RNF157: variants seen among roughly 807,000 people sequenced by gnomAD.
The protein encoded by RNF157 is ring finger protein 157.
RNF157 carries 55 observed loss-of-function variants against 88.3 expected under a neutral mutation model. The ratio of observed to expected loss-of-function variants is 0.62; its 90% CI spans 0.50 to 0.78. RNF157 has a LOEUF of 0.78. Ranked by LOEUF, RNF157 falls within the 30% of genes least tolerant of loss-of-function variation. The pLI, the probability that RNF157 is intolerant of heterozygous loss-of-function variation, is 0.00. For synonymous variants in RNF157, 334 were observed against 341.2 expected (o/e 0.98, Z 0.23); for missense variants, 788 against 860.8 (o/e 0.92, Z 1.06).
intron 18 of RNF157, among the ~76,000 whole-genome samples, chr17:76,151,046 G>T (rs1376772849): frequency 6.6e-6 from 1 of 152,232 alleles, no homozygotes; most frequent in Non-Finnish European, 1.5e-5. Context: ...CGGGAAGGCA[G>T]GGAGTGAAGC....
In RNF157 at chr17:76,161,666, G is replaced by T; in HGVS notation, c.953-19C>A. The stretch of plus-strand genomic sequence containing the variant: ...CGGAAGGCTGTGAAGGAGAAAACAG[G>T]CAATCAGGACATCCTGATACAGGAT... On this transcript the variant is annotated intron_variant, in intron 10 of 18. Coordinates refer to ENST00000269391, the MANE Select transcript of RNF157 (RefSeq NM_052916.3). The surrounding 1 kb of genome is among the most constrained non-coding windows in gnomAD (Gnocchi z 4.6). The T allele has an allele frequency of 6.2e-7, 1 of 1,602,066 alleles. No individual in the cohort carries two copies. The highest frequency in any genetic ancestry group is 8.5e-7 in the Non-Finnish European group (1 of 1,169,870).
intron 2 of RNF157, among the ~76,000 whole-genome samples, chr17:76,199,283 A>T (rs545059502): frequency 7.7e-4 from 118 of 152,294 alleles, no homozygotes; most frequent in African/African-American, 2.8e-3. Context: ...CAGTGTACTT[A>T]TATTCCAAAT....
intron 16 of RNF157, 36 bp downstream of exon 16, chr17:76,155,216 T>C (rs374983948): frequency 6.3e-7 from 1 of 1,593,558 alleles, no homozygotes; most frequent in Non-Finnish European, 8.6e-7. Flanking sequence ...CCTCTGGTTG[T>C]GGGAAGGGGG....
At position 76,173,709 on chromosome 17, in the gene RNF157, G is replaced by C; in HGVS notation, c.289C>G (p.Leu97Val). 6.2e-7 allele frequency: 1 copy of C among 1,606,976 alleles called. No homozygotes were observed. Among genetic ancestry groups the C allele is most frequent in the Non-Finnish European group, 8.5e-7 (1 of 1,175,976 alleles). ...CAGCCTCTGGGAACTTACTTGACGA[G>C]CCTCAGTGTGTCCTTTCGGATATTG... ...LVNIRKDTLR[L>V]VKCAEEVKSP... is the part of the protein sequence containing the mutation. Residue 97 changes from leucine to valine, a missense_variant, in exon 3 of 19, where the codon CTC becomes GTC. Leu to Val is a conservative substitution (Grantham distance 32). Coordinates refer to ENST00000269391, the MANE Select transcript of RNF157 (RefSeq NM_052916.3).
chr17:76,220,943 G>C (rs898195841), intron 1 of RNF157, among the ~76,000 whole-genome samples: 6 of 145,174 alleles, frequency 4.1e-5, no homozygotes, highest in Non-Finnish European at 6.0e-5. Flanking sequence ...GGGCAATAAA[G>C]TGAGATGCTG....
intron 2 of RNF157, among the ~76,000 whole-genome samples, chr17:76,188,535 A>G (rs181012781): frequency 3.3e-5 from 5 of 152,356 alleles, no homozygotes; most frequent in Admixed American, 2.6e-4. Flanking sequence ...GACTAAAAAT[A>G]GCCAAGTTCC....
intron 2 of RNF157, among the ~76,000 whole-genome samples, chr17:76,187,862 T>C (rs185842813): frequency 3.2e-4 from 48 of 152,318 alleles, no homozygotes; most frequent in Admixed American, 2.4e-3. Context: ...CCTTCCAAAA[T>C]GCTGAGATTA....
intron 2 of RNF157, among the ~76,000 whole-genome samples, chr17:76,202,144 A>T (rs543642598): frequency 9.8e-4 from 147 of 150,478 alleles, no homozygotes; most frequent in Non-Finnish European, 1.1e-3. Flanking sequence ...ACACACACAC[A>T]CACACACACA....
rs556492082 is a variant in RNF157 at position 76,187,838 on chromosome 17, T to C, written c.208-14048A>G. Among the ~76,000 whole-genome samples, 4 of 152,300 alleles carry C rather than the reference T, an allele frequency of 2.6e-5. 1 individual carries two copies. The South Asian group carries it at 6.2e-4, about 24-fold the overall frequency. On this transcript the variant is annotated intron_variant, in intron 2 of 18. Coordinates refer to ENST00000269391, the MANE Select transcript of RNF157 (RefSeq NM_052916.3). ...CTCTTGAACTCCTGACCTCAAATGA[T>C]CTGCCTGCCTTAGCCTTCCAAAATG...
At chr17:76,145,424 C>T in intron 18 of RNF157, 71 bp from the exon 19 acceptor site, 2 of 1,196,814 alleles carry the variant, frequency 1.7e-6, no homozygotes, top group Non-Finnish European at 2.4e-6. Context: ...TCCAGCAGGG[C>T]AGCCCAGGAG....
intron 2 of RNF157, among the ~76,000 whole-genome samples, chr17:76,174,055 C>T (rs554151970): frequency 4.4e-4 from 66 of 151,266 alleles, no homozygotes; most frequent in Non-Finnish European, 7.4e-5. Flanking sequence ...GGTCAGTGTT[C>T]AAAACCTGGA....
intron 1 of RNF157, among the ~76,000 whole-genome samples, chr17:76,222,890 AG>A (rs1306631874): frequency 6.6e-6 from 1 of 151,602 alleles, no homozygotes; most frequent in African/African-American, 2.4e-5. Context: ...CAAATGTTTA[AG>A]GTTCTTTTTT....
intron 18 of RNF157, chr17:76,147,179 T>C: frequency 1.0e-6 from 1 of 984,966 alleles, no homozygotes; most frequent in Non-Finnish European, 1.2e-6. Context: ...GCAGGATAAA[T>C]ATAAGGCAAT....
intron 1 of RNF157, among the ~76,000 whole-genome samples, chr17:76,227,644 G>A (rs1003744579): frequency 1.3e-5 from 2 of 151,908 alleles, no homozygotes; most frequent in Non-Finnish European, 2.9e-5. Flanking sequence ...TTGGGAGGCC[G>A]AGGTGGGCGG....
At chr17:76,210,315 C>T (rs1021605331) in intron 2 of RNF157, among the ~76,000 whole-genome samples, 1 of 151,864 alleles carries the variant, frequency 6.6e-6, no homozygotes, top group Non-Finnish European at 1.5e-5. Flanking sequence ...GAGAACCCGC[C>T]GGGCGCAGTG....
chr17:76,152,487 T>C (rs748838313), intron 17 of RNF157, 22 bp from the exon 18 acceptor site: 74 of 1,454,990 alleles, frequency 5.1e-5, no homozygotes, highest in Non-Finnish European at 7.0e-5. Flanking sequence ...TTAATGCAGT[T>C]AGAGAGGGGC....
Position 76,171,879 on chromosome 17 carries a change from C to A in RNF157, c.296+1823G>T, listed in dbSNP as rs149446487. Among the ~76,000 whole-genome samples the A allele has an allele frequency of 4.0e-3, 603 of 152,318 alleles. 6 individuals are homozygous for A. The highest frequency in any genetic ancestry group is 0.011 in the African/African-American group (437 of 41,564). ...TTCTAGAGCTGCAGCCAGGCTGCCA[C>A]GGCAGAGGCTATGACCTCACAGCAG... On this transcript the variant is annotated intron_variant, in intron 3 of 18. Transcript: ENST00000269391.
intron 5 of RNF157, 23 bp from the exon 6 acceptor site, chr17:76,166,550 G>GAA: frequency 1.3e-6 from 2 of 1,568,552 alleles, no homozygotes; most frequent in Non-Finnish European, 1.7e-6. Flanking sequence ...AAAAGGAAAG[G>GAA]AAAAAAAAAG....
At chr17:76,229,320 C>T (rs12449682) in intron 1 of RNF157, among the ~76,000 whole-genome samples, 1 of 152,192 alleles carries the variant, frequency 6.6e-6, no homozygotes, top group South Asian at 2.1e-4. Context: ...GGATTTTATC[C>T]TGATGCTGCT....
Sources: allele counts gnomAD v4.1 joint callset (sites outside exome capture counted in the v4.1 genomes callset), GRCh38; gene constraint gnomAD v4.1.1; non-coding constraint Gnocchi (gnomAD v3.1); transcripts MANE v1.5; gene names NCBI Gene and HGNC (gene_info 2026-07-23, HGNC 2026-07-21).